Variants in NRXN1 observed in about 807,000 individuals in gnomAD.
NRXN1 encodes neurexin 1.
A neutral mutation model predicts 150.9 loss-of-function variants in NRXN1; 39 were observed. The observed-to-expected ratio is 0.26, with a 90% CI of 0.20 to 0.34. The LOEUF is 0.34. NRXN1 is among the 10% of genes least tolerant of loss of function. The probability of loss-of-function intolerance (pLI) is 1.00; values close to 1 mark genes in which losing one functional copy is unlikely to be tolerated. For synonymous variants in NRXN1, 924 were observed against 757.0 expected, an observed-to-expected ratio of 1.22 and a Z score of -3.62; for missense variants, 1,815 against 1,949.9, an observed-to-expected ratio of 0.93 and a Z score of 1.30.
At chr2:50,075,639 T>C (rs1202326101) in intron 19 of NRXN1, among the ~76,000 whole-genome samples, 1 of 152,232 alleles carries the variant, frequency 6.6e-6, no homozygotes, top group East Asian at 1.9e-4. Flanking sequence ...CTATCAATAG[T>C]GCTTCTTTTT....
intron 15 of NRXN1, among the ~76,000 whole-genome samples, chr2:50,487,181 T>A (rs1390487640): frequency 6.6e-6 from 1 of 152,082 alleles, no homozygotes; most frequent in South Asian, 2.1e-4. Context: ...TAAAGGTAGA[T>A]GAGGATGATG....
intron 8 of NRXN1, among the ~76,000 whole-genome samples, chr2:50,595,422 G>C (rs1456116489): frequency 2.3e-5 from 3 of 131,492 alleles, no homozygotes; most frequent in Non-Finnish European, 4.9e-5. Flanking sequence ...GGTAAAAAAA[G>C]GAAAAAAAAA....
At chr2:50,243,245 C>A (rs992545198) in intron 17 of NRXN1, among the ~76,000 whole-genome samples, 2 of 151,420 alleles carry the variant, frequency 1.3e-5, no homozygotes, top group Non-Finnish European at 3.0e-5. Flanking sequence ...GATTTTTACA[C>A]AACATATATA....
chr2:50,674,136 A>G (rs1311403059), intron 5 of NRXN1, among the ~76,000 whole-genome samples: 3 of 152,152 alleles, frequency 2.0e-5, no homozygotes, highest in African/African-American at 7.2e-5. Flanking sequence ...AATGTGTAAT[A>G]ACAGCCTTAG....
chr2:50,516,758 C>CTT (rs34100679), intron 12 of NRXN1, among the ~76,000 whole-genome samples: 184 of 151,558 alleles, frequency 1.2e-3, no homozygotes, highest in African/African-American at 3.7e-3. Flanking sequence ...TGCTTGCCTC[C>CTT]TTTTTTTTAA....
chr2:50,458,111 A>T (rs1354571385), intron 17 of NRXN1, among the ~76,000 whole-genome samples: 2 of 152,190 alleles, frequency 1.3e-5, no homozygotes, highest in Admixed American at 1.3e-4. Context: ...GGATAAAGAA[A>T]AAAATGGTAT....
At chr2:50,442,158 C>G (rs1454972910) in intron 17 of NRXN1, among the ~76,000 whole-genome samples, 1 of 152,106 alleles carries the variant, frequency 6.6e-6, no homozygotes, top group South Asian at 2.1e-4. Flanking sequence ...TACTTAATAG[C>G]TCTATGATCC....
At chr2:50,615,858 TAATTA>T (rs1189625910) in intron 8 of NRXN1, 2 of 152,174 alleles carry the variant, frequency 1.3e-5, no homozygotes, top group Admixed American at 1.3e-4. Flanking sequence ...TTAGAAAATT[TAATTA>T]AATATAAAAT....
chr2:50,796,351 T>C (rs1460134044), intron 5 of NRXN1, among the ~76,000 whole-genome samples: 3 of 152,140 alleles, frequency 2.0e-5, no homozygotes, highest in Non-Finnish European at 2.9e-5. Flanking sequence ...GTTCTGAACA[T>C]AAGCAATTTT....
At chr2:50,273,079 A>C (rs2069920358) in intron 17 of NRXN1, among the ~76,000 whole-genome samples, 1 of 152,280 alleles carries the variant, frequency 6.6e-6, no homozygotes, top group East Asian at 1.9e-4. Flanking sequence ...CCAACCACCT[A>C]GTAAAGAAAG....
chr2:50,362,171 T>C (rs377505359), intron 17 of NRXN1, among the ~76,000 whole-genome samples: 1 of 152,102 alleles, frequency 6.6e-6, no homozygotes, highest in African/African-American at 2.4e-5. Flanking sequence ...CTGGAAGCAT[T>C]CCCTTTGAAA....
At chr2:50,709,260 C>T (rs1694833021) in intron 5 of NRXN1, among the ~76,000 whole-genome samples, 2 of 152,112 alleles carry the variant, frequency 1.3e-5, no homozygotes, top group Non-Finnish European at 1.5e-5. Context: ...TTGCTAGGTA[C>T]TGAGATGAAA....
rs547873543 is a variant in NRXN1, at chr2:50,545,539, T to C, written c.1760-6903A>G. 3.9e-5 allele frequency among the ~76,000 whole-genome samples: 6 copies of C among 152,282 alleles called. No individual in the cohort carries two copies. The South Asian group carries it at 6.2e-4, about 16-fold the overall frequency. Reference sequence around the variant, plus strand: ...TTTGGTAGATTTTCAGAGGGCGGTTTCATTTCCCAGGTTTGACTGATATTT... The same window carrying C: ...TTTGGTAGATTTTCAGAGGGCGGTTCCATTTCCCAGGTTTGACTGATATTT... On this transcript the variant is annotated intron_variant, in intron 9 of 22. Transcript: ENST00000401669.
At chr2:50,754,037 C>T (rs1217254771) in intron 5 of NRXN1, among the ~76,000 whole-genome samples, 1 of 144,772 alleles carries the variant, frequency 6.9e-6, no homozygotes, top group East Asian at 2.1e-4. Context: ...TGCAGGAAAA[C>T]ATATGGCTCT....
At chr2:50,455,411 C>A (rs556329537) in intron 17 of NRXN1, among the ~76,000 whole-genome samples, 1 of 152,288 alleles carries the variant, frequency 6.6e-6, no homozygotes, top group Non-Finnish European at 1.5e-5. Flanking sequence ...TCTCATACTG[C>A]ACTCTATAGA....
chr2:50,076,191 T>C (rs1303299697), intron 19 of NRXN1, among the ~76,000 whole-genome samples: 4 of 152,206 alleles, frequency 2.6e-5, no homozygotes, highest in African/African-American at 4.8e-5. Context: ...CTGCACTTAA[T>C]GTCTGCCAGG....
At chr2:50,555,420 T>C (rs61585307) in intron 8 of NRXN1, among the ~76,000 whole-genome samples, 28,424 of 152,010 alleles carry the variant, frequency 0.19, 2,787 homozygotes, top group East Asian at 0.36. Context: ...TCAGGTGACT[T>C]GGTGATGAAA....
intron 15 of NRXN1, among the ~76,000 whole-genome samples, chr2:50,488,802 G>T (rs2091054509): frequency 6.6e-6 from 1 of 152,220 alleles, no homozygotes; most frequent in Non-Finnish European, 1.5e-5. Context: ...GATATTGTCA[G>T]ATATCTGCCT....
Position 50,655,008 on chromosome 2 carries a change from AT to A in NRXN1, c.833-31394del, listed in dbSNP as rs144787642. 1.9e-3 allele frequency among the ~76,000 whole-genome samples: 294 copies of A among 152,104 alleles called. 1 individual carries two copies. Among genetic ancestry groups the A allele is most frequent in the African/African-American group, 6.9e-3 (288 of 41,556 alleles). ...CAAAAGAATAAAAAAGGTCTAATTAATTTGCAACCTGGAGAAAACATGTCAG... is the reference window on the plus strand; with the variant it reads ...CAAAAGAATAAAAAAGGTCTAATTAATTGCAACCTGGAGAAAACATGTCAG... On this transcript the variant is annotated intron_variant, in intron 5 of 22. Transcript: ENST00000401669.
Sources: allele counts gnomAD v4.1 joint callset (sites outside exome capture counted in the v4.1 genomes callset), GRCh38; gene constraint gnomAD v4.1.1; transcripts MANE v1.5; gene names NCBI Gene and HGNC (gene_info 2026-07-23, HGNC 2026-07-21).